Variants in BCOR observed in about 807,000 individuals in gnomAD.
The protein encoded by BCOR is BCL-6 corepressor.
A neutral mutation model predicts 86.7 loss-of-function variants in BCOR; 10 were observed. The ratio of observed to expected loss-of-function variants is 0.12; its 90% confidence interval spans 0.07 to 0.20. The LOEUF (loss-of-function observed/expected upper bound fraction) is 0.20. Among genes scored for constraint, BCOR ranks in the 10% least tolerant of loss-of-function variants. The pLI is 1.00. For missense variants in BCOR, 1,259 were observed against 1,452.1 expected, an observed-to-expected ratio of 0.87 and a Z score of 2.16; for synonymous variants, 611 against 609.0, an observed-to-expected ratio of 1.00 and a Z score of -0.05.
chrX:40,083,513 C>T (rs1490005184), intron 1 of BCOR, among the ~76,000 whole-genome samples: 2 of 112,460 alleles, frequency 1.8e-5, no homozygotes, highest in Non-Finnish European at 3.8e-5. Context: ...CCGGCCTCCT[C>T]CCGGGGCGTC....
chrX:40,087,124 G>A (rs1602188121), intron 1 of BCOR, among the ~76,000 whole-genome samples: 1 of 113,332 alleles, frequency 8.8e-6, no homozygotes, highest in East Asian at 2.8e-4. Context: ...CCGGGCTGGG[G>A]CCGGGGCCGG....
intron 1 of BCOR, among the ~76,000 whole-genome samples, chrX:40,135,503 C>T (rs1372833026): frequency 9.0e-6 from 1 of 110,638 alleles, no homozygotes; most frequent in Non-Finnish European, 1.9e-5. Flanking sequence ...GATTCTCGTA[C>T]CTCAGCCTCC....
intron 5 of BCOR, 124 bp from the exon 6 acceptor site, chrX:40,071,283 G>A (rs1935467176): frequency 9.3e-6 from 6 of 647,263 alleles, no homozygotes; most frequent in Non-Finnish European, 1.2e-5. Flanking sequence ...CACAGCTTAT[G>A]AGATGTAACT....
chrX:40,174,570 G>A (rs1043944239), intron 1 of BCOR, among the ~76,000 whole-genome samples: 6 of 112,991 alleles, frequency 5.3e-5, no homozygotes, highest in Non-Finnish European at 9.4e-5. Context: ...AACGTGGACT[G>A]TAAAAGCCAA....
chrX:40,051,963 C>A lies in BCOR; in HGVS notation c.*146G>T. 2.0e-6 allele frequency: 1 copy of A among 491,390 alleles called. No homozygotes were observed. The highest frequency in any genetic ancestry group is 3.1e-6 in the Non-Finnish European group (1 of 326,377). 40.5% of individuals were successfully genotyped at this position (491,390 alleles called of 1,213,427 possible). A position where few individuals can be genotyped will look rare whatever the true frequency, so the allele number is the denominator to read the frequency against. Reference sequence around the variant, plus strand: ...AAAGGAAAAAAACATGTTTCTAAGTCCTTCTGACTGGAGTAATTTCTCTTA... The same window carrying A: ...AAAGGAAAAAAACATGTTTCTAAGTACTTCTGACTGGAGTAATTTCTCTTA... On this transcript the variant is annotated 3_prime_UTR_variant, in exon 15 of 15. Coordinates refer to ENST00000378444, the MANE Select transcript of BCOR (RefSeq NM_001123385.2).
At chrX:40,145,644 G>A (rs924070752) in intron 1 of BCOR, among the ~76,000 whole-genome samples, 6 of 111,868 alleles carry the variant, frequency 5.4e-5, no homozygotes, top group Middle Eastern at 9.1e-3. Context: ...ATTCAGATAG[G>A]GGTGGGGGTC....
At chrX:40,091,675 G>A (rs746918421) in intron 1 of BCOR, among the ~76,000 whole-genome samples, 120 of 113,592 alleles carry the variant, frequency 1.1e-3, no homozygotes, top group Middle Eastern at 4.6e-3. Context: ...ACCAGTGGAC[G>A]CCCCCGGCCA....
chrX:40,110,458 T>C (rs1189814201), intron 1 of BCOR, among the ~76,000 whole-genome samples: 1 of 109,051 alleles, frequency 9.2e-6, no homozygotes, highest in East Asian at 2.9e-4. Flanking sequence ...ATGCGTGTCA[T>C]TGAATCCCTA....
At chrX:40,119,061 C>T (rs1321872575) in intron 1 of BCOR, among the ~76,000 whole-genome samples, 1 of 111,650 alleles carries the variant, frequency 9.0e-6, no homozygotes, top group Non-Finnish European at 1.9e-5. Flanking sequence ...TCAAACTCCT[C>T]AGCTCAGGTG....
chrX:40,137,648 C>T (rs1432268681), intron 1 of BCOR, among the ~76,000 whole-genome samples: 3 of 112,247 alleles, frequency 2.7e-5, no homozygotes, highest in Non-Finnish European at 5.6e-5. Flanking sequence ...GCTCTTAAGA[C>T]ATCTACCATT....
At chrX:40,076,298 G>A (rs1296975334) in intron 3 of BCOR, among the ~76,000 whole-genome samples, 156 bp downstream of exon 3, 3 of 111,755 alleles carry the variant, frequency 2.7e-5, no homozygotes, top group Non-Finnish European at 5.6e-5. Flanking sequence ...GCTTGGGTGG[G>A]GGCCTTGTCC....
intron 1 of BCOR, among the ~76,000 whole-genome samples, chrX:40,172,210 A>C (rs769741625): frequency 4.4e-5 from 5 of 112,529 alleles, no homozygotes; most frequent in African/African-American, 1.6e-4. Context: ...AGGCTCAGCC[A>C]CCTTCGCGGG....
intron 1 of BCOR, among the ~76,000 whole-genome samples, chrX:40,146,308 C>G (rs2147976373): frequency 9.0e-6 from 1 of 111,707 alleles, no homozygotes; most frequent in Non-Finnish European, 1.9e-5. Context: ...CCTGCGCCCC[C>G]ACTCTGTTTA....
intron 1 of BCOR, among the ~76,000 whole-genome samples, chrX:40,110,924 G>A (rs1317368322): frequency 3.7e-5 from 4 of 108,845 alleles, no homozygotes; most frequent in African/African-American, 1.3e-4. Flanking sequence ...TGTTGGTCAG[G>A]CTGGTCTCAA....
chrX:40,059,551 TG>T (rs1240527778), intron 10 of BCOR, among the ~76,000 whole-genome samples: 1 of 112,416 alleles, frequency 8.9e-6, no homozygotes, highest in Non-Finnish European at 1.9e-5. Context: ...GGATCTTAAA[TG>T]GGTGGCAACC....
At chrX:40,164,335 A>C (rs1938473175) in intron 1 of BCOR, among the ~76,000 whole-genome samples, 1 of 113,061 alleles carries the variant, frequency 8.8e-6, no homozygotes, top group Non-Finnish European at 1.9e-5. Context: ...CTTGTAGCTG[A>C]CATGCTATAG....
chrX:40,078,852 C>T (rs1003412083), intron 1 of BCOR, among the ~76,000 whole-genome samples: 1 of 108,402 alleles, frequency 9.2e-6, no homozygotes, highest in Non-Finnish European at 1.9e-5. Flanking sequence ...TGCCCACCGC[C>T]CCCACCCACA....
At chrX:40,161,246 G>A (rs1440706132) in intron 1 of BCOR, among the ~76,000 whole-genome samples, 1 of 103,281 alleles carries the variant, frequency 9.7e-6, no homozygotes, top group Admixed American at 1.1e-4. Flanking sequence ...TCACTCTGTC[G>A]CCCAGGCTGG....
chrX:40,138,162 G>C (rs1937727937), intron 1 of BCOR, among the ~76,000 whole-genome samples: 1 of 111,833 alleles, frequency 8.9e-6, no homozygotes. Flanking sequence ...ATGTTGGTCA[G>C]GCTGGTCTCG....
Sources: allele counts gnomAD v4.1 joint callset (sites outside exome capture counted in the v4.1 genomes callset), GRCh38; gene constraint gnomAD v4.1.1; transcripts MANE v1.5; gene names NCBI Gene and HGNC (gene_info 2026-07-23, HGNC 2026-07-21).